SLAIN1: variants seen among roughly 807,000 people sequenced by gnomAD.
SLAIN1 encodes SLAIN motif-containing protein 1.
Under a neutral mutation model 55.4 loss-of-function variants are expected in SLAIN1, and 17 were observed. The ratio of observed to expected loss-of-function variants is 0.31; its 90% confidence interval spans 0.21 to 0.46. The LOEUF (loss-of-function observed/expected upper bound fraction) is 0.46, where lower values mean the gene tolerates loss of function less well. Among genes scored for constraint, SLAIN1 ranks in the 20% least tolerant of loss-of-function variants. The probability of loss-of-function intolerance (pLI) is 1.00; values close to 1 mark genes in which losing one functional copy is unlikely to be tolerated. For synonymous variants in SLAIN1, 348 were observed against 337.4 expected (o/e 1.03, Z -0.35); for missense variants, 682 against 785.1 (o/e 0.87, Z 1.57).
At chr13:77,699,980 T>C (rs1208672106) in intron 1 of SLAIN1, among the ~76,000 whole-genome samples, 1 of 152,230 alleles carries the variant, frequency 6.6e-6, no homozygotes, top group Non-Finnish European at 1.5e-5. Context: ...ATTTAGTCCC[T>C]ACTTAGCCTT....
chr13:77,740,759 A>ATTT (rs2154410275), intron 2 of SLAIN1, among the ~76,000 whole-genome samples: 1 of 152,018 alleles, frequency 6.6e-6, no homozygotes, highest in African/African-American at 2.4e-5. Context: ...CTTTTTTACA[A>ATTT]GTTCTTTTTG....
chr13:77,715,551 TA>T (rs36121263), intron 1 of SLAIN1, among the ~76,000 whole-genome samples: 25,492 of 152,192 alleles, frequency 0.17, 2,518 homozygotes, highest in African/African-American at 0.29. Flanking sequence ...TTCATTTTCA[TA>T]ACCAGTGTAT....
intron 1 of SLAIN1, among the ~76,000 whole-genome samples, chr13:77,711,042 G>A (rs2091144084): frequency 6.6e-6 from 1 of 152,082 alleles, no homozygotes; most frequent in Admixed American, 6.5e-5. Flanking sequence ...TGAGAACAAA[G>A]ACACAATGTC....
At chr13:77,740,580 A>G (rs1313314268) in intron 2 of SLAIN1, among the ~76,000 whole-genome samples, 3 of 144,600 alleles carry the variant, frequency 2.1e-5, no homozygotes, top group African/African-American at 5.0e-5. Context: ...GTATAGGGAA[A>G]TTTAACTGTT....
intron 1 of SLAIN1, among the ~76,000 whole-genome samples, chr13:77,700,993 A>G (rs1206813976): frequency 6.6e-6 from 1 of 152,200 alleles, no homozygotes; most frequent in Non-Finnish European, 1.5e-5. Flanking sequence ...AACAATCAAT[A>G]TACAAACATA....
rs1049252450 is a variant in SLAIN1 at position 77,698,774 on chromosome 13, C to T, written c.626+235C>T. The T allele has an allele frequency of 8.3e-7, 1 of 1,205,356 alleles. No homozygotes were observed. Among genetic ancestry groups the T allele is most frequent in the African/African-American group, 1.5e-5 (1 of 65,384 alleles). The allele number at this position is 1,205,356 out of a possible 1,614,324, so 74.7% of individuals were successfully genotyped here. A position where few individuals can be genotyped will look rare whatever the true frequency, so the allele number is the denominator to read the frequency against. ...TCGCTCCGACTGCGGATGAACCGGC[C>T]CCCCCTTCCCCCCATCTGCCATGGG... On this transcript the variant is annotated intron_variant, in intron 1 of 6. Coordinates refer to ENST00000418532, the MANE Select transcript of SLAIN1 (RefSeq NM_001242868.2). This position sits in a 1 kb window ranked among gnomAD's most constrained non-coding sequence, Gnocchi z 4.1.
At chr13:77,755,012 A>C (rs1438003408) in intron 5 of SLAIN1, among the ~76,000 whole-genome samples, 2 of 152,220 alleles carry the variant, frequency 1.3e-5, no homozygotes, top group Admixed American at 6.5e-5. Context: ...GAGGACTAAC[A>C]ACTCATTTTA....
chr13:77,739,283 A>G (rs1387209408), intron 2 of SLAIN1, among the ~76,000 whole-genome samples: 2 of 152,030 alleles, frequency 1.3e-5, no homozygotes, highest in Non-Finnish European at 1.5e-5. Flanking sequence ...AAAATTGGGC[A>G]AAGTAATTTA....
At chr13:77,729,898 ACT>A (rs1157703731) in intron 2 of SLAIN1, among the ~76,000 whole-genome samples, 6 of 148,666 alleles carry the variant, frequency 4.0e-5, no homozygotes, top group South Asian at 2.1e-4. Context: ...TAAGCCAGTA[ACT>A]CTGTGTGTGT....
At chr13:77,721,423 C>A (rs2091261095) in intron 2 of SLAIN1, among the ~76,000 whole-genome samples, 1 of 152,100 alleles carries the variant, frequency 6.6e-6, no homozygotes, top group African/African-American at 2.4e-5. Context: ...ACCATTAAAT[C>A]CCTTTGGATT....
intron 1 of SLAIN1, among the ~76,000 whole-genome samples, chr13:77,707,111 CT>C (rs2091097679): frequency 6.6e-6 from 1 of 150,746 alleles, no homozygotes; most frequent in African/African-American, 2.4e-5. Context: ...TTTCCAGTTT[CT>C]TTCTTTTCTT....
At chr13:77,755,979 G>C (rs1227153667) in intron 5 of SLAIN1, among the ~76,000 whole-genome samples, 1 of 152,174 alleles carries the variant, frequency 6.6e-6, no homozygotes, top group Non-Finnish European at 1.5e-5. Flanking sequence ...GGAAAGAACA[G>C]AGGTAGGATA....
intron 1 of SLAIN1, among the ~76,000 whole-genome samples, chr13:77,701,859 T>G (rs1423560678): frequency 1.3e-5 from 2 of 150,092 alleles, no homozygotes; most frequent in Non-Finnish European, 3.0e-5. Context: ...GCTGGTGCGC[T>G]GCACCCACTA....
At chr13:77,749,832 T>C (rs1275848282) in intron 4 of SLAIN1, among the ~76,000 whole-genome samples, 9 of 152,216 alleles carry the variant, frequency 5.9e-5, no homozygotes, top group Admixed American at 5.2e-4. Context: ...ATATTTACAC[T>C]TGGAAGACCT....
Position 77,698,902 on chromosome 13 carries a change from G to A in SLAIN1, c.626+363G>A, listed in dbSNP as rs1032834632. 1 of 1,533,038 alleles carries A rather than the reference G, an allele frequency of 6.5e-7. No individual in the cohort carries two copies. Among genetic ancestry groups the A allele is most frequent in the East Asian group, 2.4e-5 (1 of 40,880 alleles). 95.0% of individuals were successfully genotyped at this position (1,533,038 alleles called of 1,614,324 possible). On this transcript the variant is annotated intron_variant, in intron 1 of 6. Coordinates refer to ENST00000418532, the MANE Select transcript of SLAIN1 (RefSeq NM_001242868.2). This position sits in a 1 kb window ranked among gnomAD's most constrained non-coding sequence, Gnocchi z 4.1. Reference sequence around the variant, plus strand: ...GCTCAGTGCTGCTCTTTTCCCCAGTGTTTTCGGAGGGATGACGGGGGATGG... The same window carrying A: ...GCTCAGTGCTGCTCTTTTCCCCAGTATTTTCGGAGGGATGACGGGGGATGG...
intron 2 of SLAIN1, among the ~76,000 whole-genome samples, chr13:77,732,936 A>T (rs1214082666): frequency 6.6e-6 from 1 of 152,134 alleles, no homozygotes; most frequent in Admixed American, 6.6e-5. Context: ...ATCCGATAAT[A>T]GTCATGAGGG....
At chr13:77,756,875 TG>T (rs1239431987) in intron 5 of SLAIN1, among the ~76,000 whole-genome samples, 1 of 152,086 alleles carries the variant, frequency 6.6e-6, no homozygotes, top group Non-Finnish European at 1.5e-5. Flanking sequence ...CACTTACCTT[TG>T]GGGGAGTTTT....
At chr13:77,752,597 C>A (rs113131124) in intron 4 of SLAIN1, among the ~76,000 whole-genome samples, 14 of 152,134 alleles carry the variant, frequency 9.2e-5, no homozygotes, top group Non-Finnish European at 2.1e-4. Flanking sequence ...GATAGGCTGT[C>A]TGCAAGCTGA....
At chr13:77,709,857 G>A in intron 1 of SLAIN1, among the ~76,000 whole-genome samples, 1 of 151,944 alleles carries the variant, frequency 6.6e-6, no homozygotes, top group Non-Finnish European at 1.5e-5. Flanking sequence ...TGCAACCCCC[G>A]CCTCCCAGGT....
Sources: allele counts gnomAD v4.1 joint callset (sites outside exome capture counted in the v4.1 genomes callset), GRCh38; gene constraint gnomAD v4.1.1; non-coding constraint Gnocchi (gnomAD v3.1); transcripts MANE v1.5; gene names NCBI Gene and HGNC (gene_info 2026-07-23, HGNC 2026-07-21).